CPED1: variants seen among roughly 807,000 people sequenced by gnomAD.
CPED1 encodes the protein cadherin-like and PC-esterase domain-containing protein 1.
Under a neutral mutation model 128.2 loss-of-function variants are expected in CPED1, and 114 were observed. That is an observed-to-expected ratio of 0.89 (90% CI 0.76 to 1.04). The LOEUF (loss-of-function observed/expected upper bound fraction) is 1.04. Among genes scored for constraint, CPED1 ranks in the 50% least tolerant of loss-of-function variants. CPED1 has a pLI of 0.00. For synonymous variants in CPED1, 462 were observed against 426.7 expected, an observed-to-expected ratio of 1.08 and a Z score of -1.02; for missense variants, 1,211 against 1,207.1, an observed-to-expected ratio of 1.00 and a Z score of -0.05.
In CPED1 at chr7:120,999,421, T is replaced by A. The variant is rs116313335; in HGVS notation, c.249+9551T>A. On this transcript the variant is annotated intron_variant, in intron 2 of 22. Transcript: ENST00000310396. The stretch of plus-strand genomic sequence containing the variant: ...TACCATAATAATAATAAAAATAACA[T>A]CCTTTCCTAATCATTGTGCCTTTCT... Among the ~76,000 whole-genome samples, 430 of 152,254 alleles carry A rather than the reference T, an allele frequency of 2.8e-3. 4 individuals are homozygous for A. Among genetic ancestry groups the A allele is most frequent in the African/African-American group, 9.9e-3 (411 of 41,544 alleles).
intron 2 of CPED1, among the ~76,000 whole-genome samples, chr7:121,011,899 A>C (rs1333723372): frequency 6.6e-6 from 1 of 152,162 alleles, no homozygotes; most frequent in Non-Finnish European, 1.5e-5. Context: ...TTACAATATA[A>C]TATTATTACT....
At chr7:121,045,394 AC>A (rs377341760) in intron 3 of CPED1, among the ~76,000 whole-genome samples, 24 of 152,342 alleles carry the variant, frequency 1.6e-4, no homozygotes, top group African/African-American at 5.3e-4. Context: ...CAACAACAGG[AC>A]AATTAAAAAC....
chr7:121,267,136 G>T, intron 20 of CPED1, 79 bp from the exon 21 acceptor site: 3 of 768,356 alleles, frequency 3.9e-6, no homozygotes, highest in Non-Finnish European at 6.5e-6. Flanking sequence ...GAATTCTATG[G>T]TATTTGTTTA....
intron 7 of CPED1, among the ~76,000 whole-genome samples, chr7:121,113,834 T>G (rs960646239): frequency 6.6e-6 from 1 of 152,154 alleles, no homozygotes; most frequent in Non-Finnish European, 1.5e-5. Context: ...TTTGAAACTT[T>G]TTTTTTTTCT....
intron 3 of CPED1, among the ~76,000 whole-genome samples, chr7:121,038,541 T>C (rs925843879): frequency 3.9e-5 from 6 of 152,160 alleles, no homozygotes; most frequent in Admixed American, 2.0e-4. Context: ...GTCTAGTTAC[T>C]ACCACATAAC....
intron 18 of CPED1, among the ~76,000 whole-genome samples, chr7:121,249,666 A>C (rs2116703373): frequency 6.6e-6 from 1 of 152,296 alleles, no homozygotes; most frequent in South Asian, 2.1e-4. Context: ...GCATTACAAG[A>C]GGTCCTTAAG....
At chr7:121,127,885 CATCTTAT>C (rs547972340) in intron 10 of CPED1, among the ~76,000 whole-genome samples, 1 of 151,882 alleles carries the variant, frequency 6.6e-6, no homozygotes, top group Non-Finnish European at 1.5e-5. Flanking sequence ...TTTTTTCTTT[CATCTTAT>C]AAGTTCAGAG....
At chr7:121,074,259 T>C (rs1320256010) in intron 5 of CPED1, among the ~76,000 whole-genome samples, 1 of 152,132 alleles carries the variant, frequency 6.6e-6, no homozygotes, top group Non-Finnish European at 1.5e-5. Flanking sequence ...AAGTATTTCC[T>C]GACTTCAGGA....
At chr7:121,098,784 ATATATAAAAAT>A (rs1563024887) in intron 6 of CPED1, among the ~76,000 whole-genome samples, 7 of 122,246 alleles carry the variant, frequency 5.7e-5, no homozygotes, top group Non-Finnish European at 1.2e-4. Flanking sequence ...ATATATAAAA[ATATATAAAAAT>A]ATATATAAAT....
intron 18 of CPED1, among the ~76,000 whole-genome samples, chr7:121,262,866 C>T (rs1396992321): frequency 1.3e-5 from 2 of 152,072 alleles, no homozygotes; most frequent in East Asian, 3.9e-4. Context: ...AAAAAGCTGA[C>T]ATTTTGAAGT....
At chr7:121,216,914 AC>A (rs1797771532) in intron 16 of CPED1, among the ~76,000 whole-genome samples, 1 of 151,830 alleles carries the variant, frequency 6.6e-6, no homozygotes, top group Non-Finnish European at 1.5e-5. Context: ...CTCAACTGTT[AC>A]ACTTTTTTTT....
chr7:121,191,965 A>G (rs973734003), intron 16 of CPED1, among the ~76,000 whole-genome samples: 4 of 152,150 alleles, frequency 2.6e-5, no homozygotes, highest in Non-Finnish European at 5.9e-5. Flanking sequence ...GATAAGTGAT[A>G]TAAGTAGGCC....
At chr7:121,165,978 TTGTAA>T (rs2116449281) in intron 16 of CPED1, among the ~76,000 whole-genome samples, 1 of 152,348 alleles carries the variant, frequency 6.6e-6, no homozygotes, top group East Asian at 1.9e-4. Context: ...TTTAGAAACA[TTGTAA>T]TGTATGTGGC....
chr7:121,281,034 G>T (rs2116772215), intron 22 of CPED1, among the ~76,000 whole-genome samples: 1 of 152,242 alleles, frequency 6.6e-6, no homozygotes, highest in African/African-American at 2.4e-5. Flanking sequence ...TGTAATCAGA[G>T]CATCCTCTAA....
At chr7:121,146,278 AG>A (rs1796023132) in intron 16 of CPED1, among the ~76,000 whole-genome samples, 1 of 152,108 alleles carries the variant, frequency 6.6e-6, no homozygotes, top group South Asian at 2.1e-4. Context: ...GGGCAGCAAA[AG>A]GGTCTAAAGT....
chr7:121,218,119 G>C (rs1332983251), intron 16 of CPED1, among the ~76,000 whole-genome samples: 1 of 150,962 alleles, frequency 6.6e-6, no homozygotes, highest in Non-Finnish European at 1.5e-5. Context: ...TGAGTAGCTG[G>C]AATTACAGGC....
intron 16 of CPED1, among the ~76,000 whole-genome samples, chr7:121,151,705 A>G (rs144509999): frequency 2.2e-4 from 34 of 152,348 alleles, no homozygotes; most frequent in Admixed American, 6.5e-4. Context: ...CTGAAAACCC[A>G]GAGAAATTGA....
In CPED1 at chr7:121,271,443, GCTAT is replaced by G. The variant is rs1364278603; in HGVS notation, c.2868+16_2868+19del. 2 of 1,607,770 alleles carry G rather than the reference GCTAT, an allele frequency of 1.2e-6. No homozygotes were observed. Among genetic ancestry groups the G allele is most frequent in the African/African-American group, 1.3e-5 (1 of 74,774 alleles). On this transcript the variant is annotated intron_variant, in intron 22 of 22. Coordinates refer to ENST00000310396, the MANE Select transcript of CPED1 (RefSeq NM_024913.5). ...TCATTTCCATGAGGTATTTATGCTG[GCTAT>G]CTGAGTTTTATAGCTTTTGATCTTT...
chr7:121,265,685 A>G (rs770542593), intron 18 of CPED1, among the ~76,000 whole-genome samples: 14 of 152,084 alleles, frequency 9.2e-5, no homozygotes, highest in South Asian at 2.1e-4. Context: ...GCAGGAGGGG[A>G]TGTGGGTAAG....
Sources: allele counts gnomAD v4.1 joint callset (sites outside exome capture counted in the v4.1 genomes callset), GRCh38; gene constraint gnomAD v4.1.1; transcripts MANE v1.5; gene names NCBI Gene and HGNC (gene_info 2026-07-23, HGNC 2026-07-21).